Variants in GYS2 observed in about 807,000 individuals in gnomAD.
The protein encoded by GYS2 is glycogen [starch] synthase, liver.
A neutral mutation model predicts 85.6 loss-of-function variants in GYS2; 80 were observed. That is an observed-to-expected ratio of 0.93 (90% CI 0.78 to 1.13). The LOEUF is 1.13. GYS2 is among the 50% of genes most tolerant of loss of function. The pLI is 0.00. For missense variants in GYS2, 881 were observed against 854.9 expected, an observed-to-expected ratio of 1.03 and a Z score of -0.38; for synonymous variants, 328 against 300.7, an observed-to-expected ratio of 1.09 and a Z score of -0.94.
At position 21,604,607 on chromosome 12, in the gene GYS2, T is replaced by C; in HGVS notation, c.-15A>G. ...CCTCGAAGCATTCTTCTTACAGTCC[T>C]CCGAGACTCCTTTGAATTCCTGTTT... On this transcript the variant is annotated 5_prime_UTR_variant, in exon 1 of 16. Transcript: ENST00000261195. 6.2e-7 allele frequency: 1 copy of C among 1,612,064 alleles called. No homozygotes were observed. Among genetic ancestry groups the C allele is most frequent in the Non-Finnish European group, 8.5e-7 (1 of 1,178,552 alleles).
At chr12:21,601,583 C>T (rs1944757034) in intron 1 of GYS2, among the ~76,000 whole-genome samples, 1 of 152,134 alleles carries the variant, frequency 6.6e-6, no homozygotes, top group South Asian at 2.1e-4. Flanking sequence ...TCAGCTCAAA[C>T]ATCTCATCAT....
chr12:21,566,562 A>C (rs553941116), intron 5 of GYS2, among the ~76,000 whole-genome samples: 1 of 152,194 alleles, frequency 6.6e-6, no homozygotes, highest in African/African-American at 2.4e-5. Flanking sequence ...GTGGGCACTC[A>C]GTAATAGATG....
At chr12:21,553,033 C>T (rs1944132650) in intron 11 of GYS2, among the ~76,000 whole-genome samples, 2 of 152,180 alleles carry the variant, frequency 1.3e-5, no homozygotes, top group Non-Finnish European at 2.9e-5. Flanking sequence ...ATGTGCCAAG[C>T]TGTTAAATGC....
intron 9 of GYS2, among the ~76,000 whole-genome samples, 181 bp downstream of exon 9, chr12:21,559,470 C>T (rs1249214814): frequency 2.0e-5 from 3 of 152,038 alleles, no homozygotes; most frequent in Non-Finnish European, 4.4e-5. Flanking sequence ...CTTATTTGTA[C>T]AGCTATTTAC....
Position 21,537,167 on chromosome 12 carries a change from T to C in GYS2, c.1899A>G (p.Gly633=), listed in dbSNP as rs776375923. ...CTGAGGAAGGCCTGGGATATTTAAA[T>C]CCTTCTGTCTGCCAAAGACAAAAAT... ...VELTSPPTTE[G]FKYPRPSSVP... Residue 633 remains glycine, a synonymous_variant, in exon 16 of 16, where the codon GGA becomes GGG. Coordinates refer to ENST00000261195, the MANE Select transcript of GYS2 (RefSeq NM_021957.4). 6 of 1,612,604 alleles carry C rather than the reference T, an allele frequency of 3.7e-6. No individual in the cohort carries two copies. The highest frequency in any genetic ancestry group is 5.1e-6 in the Non-Finnish European group (6 of 1,178,828).
In GYS2 at chr12:21,539,317, G is replaced by A. The variant is rs762308155; in HGVS notation, c.1831C>T (p.Leu611=). The A allele has an allele frequency of 6.9e-6, 11 of 1,603,584 alleles. No individual in the cohort carries two copies. Among genetic ancestry groups the A allele is most frequent in the Non-Finnish European group, 9.4e-6 (11 of 1,170,652 alleles). The change falls in exon 15 of 16, where the codon CTG becomes TTG. Residue 611 remains leucine, a synonymous_variant. Coordinates refer to ENST00000261195, the MANE Select transcript of GYS2 (RefSeq NM_021957.4). The part of the protein sequence containing the change: ...LGRYYQHARH[L]TLSRAFPDKF... ...TCTGGAAAAGCTCTGCTTAATGTCA[G>A]GTGTCTGGCATGCTGGTAATACTAT...
rs770074809 is a variant in GYS2 at position 21,559,644 on chromosome 12, C to T, written c.1229+7G>A. 3.1e-5 allele frequency: 46 copies of T among 1,463,910 alleles called. No individual in the cohort carries two copies. The highest frequency in any genetic ancestry group is 4.3e-5 in the Non-Finnish European group (45 of 1,042,712). 90.7% of individuals were successfully genotyped at this position (1,463,910 alleles called of 1,614,324 possible). ...TGATTGAAGTAGAAAGCATTTCAAG[C>T]ACCTACCTTAATAATGCATCATAGA... On this transcript the variant is annotated splice_region_variant and intron_variant, in intron 9 of 15. Coordinates refer to ENST00000261195, the MANE Select transcript of GYS2 (RefSeq NM_021957.4).
chr12:21,585,331 A>T (rs1434596217), intron 1 of GYS2, among the ~76,000 whole-genome samples: 1 of 152,218 alleles, frequency 6.6e-6, no homozygotes, highest in Non-Finnish European at 1.5e-5. Context: ...CCTTTAAGTC[A>T]ACAGGCTAAG....
chr12:21,598,352 G>A (rs1437831638), intron 1 of GYS2, among the ~76,000 whole-genome samples: 2 of 151,880 alleles, frequency 1.3e-5, no homozygotes, highest in Non-Finnish European at 1.5e-5. Flanking sequence ...AAAGAAAGTC[G>A]ATCTCATATT....
At chr12:21,547,661 AGTGAAACTATTCTG>A (rs1944058101) in intron 11 of GYS2, among the ~76,000 whole-genome samples, 3 of 152,160 alleles carry the variant, frequency 2.0e-5, no homozygotes, top group Non-Finnish European at 4.4e-5. Flanking sequence ...TTTTTAGGGC[AGTGAAACTATTCTG>A]TATCATACTA....
At chr12:21,563,962 C>T (rs1434537388) in intron 5 of GYS2, among the ~76,000 whole-genome samples, 3 of 152,276 alleles carry the variant, frequency 2.0e-5, no homozygotes, top group East Asian at 3.9e-4. Flanking sequence ...AATTTCTATT[C>T]TTATTTCCAT....
At chr12:21,591,838 T>C (rs1329296973) in intron 1 of GYS2, among the ~76,000 whole-genome samples, 4 of 152,056 alleles carry the variant, frequency 2.6e-5, no homozygotes, top group South Asian at 4.1e-4. Context: ...TGGGATGATA[T>C]ATTCAAAATA....
chr12:21,574,365 A>T, intron 3 of GYS2, 39 bp from the exon 4 acceptor site: 1 of 1,498,794 alleles, frequency 6.7e-7, no homozygotes, highest in Non-Finnish European at 9.3e-7. Flanking sequence ...AAAGTTGTTG[A>T]TGAAGCTTGA....
At chr12:21,567,653 A>G (rs1036240132) in intron 5 of GYS2, among the ~76,000 whole-genome samples, 1 of 152,022 alleles carries the variant, frequency 6.6e-6, no homozygotes, top group Admixed American at 6.6e-5. Flanking sequence ...ATTAATTAGG[A>G]TGATTTCGTT....
At chr12:21,564,885 A>G (rs771078584) in intron 5 of GYS2, among the ~76,000 whole-genome samples, 1 of 152,216 alleles carries the variant, frequency 6.6e-6, no homozygotes, top group African/African-American at 2.4e-5. Flanking sequence ...CCCAATGTCA[A>G]GTAAGCACAA....
chr12:21,537,535 T>G (rs1281144127), intron 15 of GYS2, among the ~76,000 whole-genome samples: 1 of 152,154 alleles, frequency 6.6e-6, no homozygotes, highest in African/African-American at 2.4e-5. Flanking sequence ...AGAGCAAAGA[T>G]TTGTACCAGG....
chr12:21,537,009 G>A lies in GYS2; in HGVS notation c.2057C>T (p.Ser686Leu). The change falls in exon 16 of 16, where the codon TCA becomes TTA. Residue 686 changes from serine to leucine, a missense_variant. Transcript: ENST00000261195. ...RDRLNIKSPF[S>L]LSHVPHGKKK... ...CTTCCCATGAGGAACGTGGCTCAGTGAAAATGGTGACTTGATATTTAACCG... is the reference window on the plus strand; with the variant it reads ...CTTCCCATGAGGAACGTGGCTCAGTAAAAATGGTGACTTGATATTTAACCG... 2 of 1,613,992 alleles carry A rather than the reference G, an allele frequency of 1.2e-6. No homozygotes were observed. The highest frequency in any genetic ancestry group is 1.7e-6 in the Non-Finnish European group (2 of 1,179,918).
chr12:21,558,427 G>T, intron 10 of GYS2, 114 bp from the exon 11 acceptor site: 1 of 713,750 alleles, frequency 1.4e-6, no homozygotes, highest in Non-Finnish European at 2.6e-6. Context: ...AGTCTTTTGA[G>T]ATGGCACTAA....
intron 11 of GYS2, among the ~76,000 whole-genome samples, chr12:21,546,965 T>G: frequency 6.6e-6 from 1 of 152,156 alleles, no homozygotes; most frequent in East Asian, 1.9e-4. Context: ...CTAGATTAAA[T>G]CATGCTAGAG....
Sources: gnomAD v4.1 joint callset for allele counts (sites outside exome capture counted in the v4.1 genomes callset) on GRCh38, gnomAD v4.1.1 for gene constraint, MANE v1.5 for transcripts, NCBI Gene and HGNC (gene_info 2026-07-23, HGNC 2026-07-21) for gene names.